The following ANKRD30B variants were observed in gnomAD, a reference collection of about 807,000 sequenced individuals.
ANKRD30B encodes ankyrin repeat domain-containing protein 30B.
In ANKRD30B, 144 loss-of-function variants were observed where a neutral mutation model predicts 202.2. The ratio of observed to expected loss-of-function variants is 0.71; its 90% CI spans 0.62 to 0.82. The LOEUF (loss-of-function observed/expected upper bound fraction) is 0.82. Among genes scored for constraint, ANKRD30B ranks in the 40% least tolerant of loss-of-function variants. The pLI, the probability that ANKRD30B is intolerant of heterozygous loss-of-function variation, is 0.00. For synonymous variants in ANKRD30B, 508 were observed against 561.3 expected, an observed-to-expected ratio of 0.91 and a Z score of 1.34; for missense variants, 1,487 against 1,669.1, an observed-to-expected ratio of 0.89 and a Z score of 1.90.
At chr18:14,761,895 C>T (rs769435998) in intron 6 of ANKRD30B, among the ~76,000 whole-genome samples, 11 of 152,164 alleles carry the variant, frequency 7.2e-5, no homozygotes, top group Non-Finnish European at 1.5e-4. Flanking sequence ...AGCTGAAAAT[C>T]TGCTTCATAT....
At chr18:14,917,278 T>A in the ANKRD30B span, among the ~76,000 whole-genome samples, 2 of 152,248 alleles carry the variant, frequency 1.3e-5, no homozygotes, top group South Asian at 4.1e-4. Flanking sequence ...TTTCCCACAA[T>A]TTCCCCAACA....
the ANKRD30B span, among the ~76,000 whole-genome samples, chr18:14,929,782 T>C: frequency 6.6e-6 from 1 of 152,082 alleles, no homozygotes; most frequent in African/African-American, 2.4e-5. Context: ...CTACAAGATA[T>C]GTGCATGCAT....
chr18:14,847,294 A>G (rs1285156738), intron 39 of ANKRD30B, among the ~76,000 whole-genome samples: 1 of 151,598 alleles, frequency 6.6e-6, no homozygotes, highest in African/African-American at 2.4e-5. Flanking sequence ...TAGATGGTAT[A>G]AGAAATTCCA....
At chr18:14,785,910 C>T (rs1248930494) in intron 14 of ANKRD30B, among the ~76,000 whole-genome samples, 14 of 151,722 alleles carry the variant, frequency 9.2e-5, no homozygotes, top group Middle Eastern at 3.4e-3. Context: ...CGGTGGCGGG[C>T]GCCTGTAGTC....
Position 14,797,159 on chromosome 18 carries a change from G to T in ANKRD30B, c.1928-502G>T, listed in dbSNP as rs551616661. Among the ~76,000 whole-genome samples the T allele has an allele frequency of 2.7e-3, 410 of 152,254 alleles. 4 individuals carry two copies. Among genetic ancestry groups the T allele is most frequent in the Middle Eastern group, 6.8e-3 (2 of 294 alleles). ...AACCCTAAAGAGGCCTAGAAGAGCC[G>T]TGGCAAGATGAGGGCATTCATAGCA... On this transcript the variant is annotated intron_variant, in intron 18 of 43. Transcript: ENST00000690538.
At chr18:14,933,639 G>A in the ANKRD30B span, among the ~76,000 whole-genome samples, 1 of 152,146 alleles carries the variant, frequency 6.6e-6, no homozygotes, top group African/African-American at 2.4e-5. Flanking sequence ...AGACAGGGAG[G>A]GGCAGTGCTG....
rs1490885682 is a variant in ANKRD30B at position 14,851,577 on chromosome 18, C to T, written c.3633C>T (p.Ala1211=). The change falls in exon 42 of 44, where the codon GCC becomes GCT. Residue 1211 remains alanine (A), a synonymous_variant. Coordinates refer to ENST00000690538, the MANE Select transcript of ANKRD30B (RefSeq NM_001367607.2). ...HENCMLKKEI[A]MLKLEVATLK... is the part of the protein sequence containing the mutation. ...ATTGCATGTTGAAAAAGGAAATTGC[C>T]ATGCTAAAACTGGAAGTAGCCACAC... 3.1e-6 allele frequency: 5 copies of T among 1,594,806 alleles called. No homozygotes were observed. Among genetic ancestry groups the T allele is most frequent in the Non-Finnish European group, 4.3e-6 (5 of 1,174,206 alleles).
At chr18:14,915,802 C>T in the ANKRD30B span, among the ~76,000 whole-genome samples, 1 of 152,128 alleles carries the variant, frequency 6.6e-6, no homozygotes, top group East Asian at 1.9e-4. Flanking sequence ...ATATAGTAGG[C>T]CCTCTGCATC....
At chr18:14,918,599 G>A in the ANKRD30B span, among the ~76,000 whole-genome samples, 3 of 152,078 alleles carry the variant, frequency 2.0e-5, no homozygotes, top group Admixed American at 6.5e-5. Context: ...GCCACTGGAA[G>A]TCACAATGAA....
intron 39 of ANKRD30B, among the ~76,000 whole-genome samples, chr18:14,843,393 A>G (rs1176415464): frequency 6.6e-6 from 1 of 152,138 alleles, no homozygotes; most frequent in East Asian, 1.9e-4. Flanking sequence ...TTTAAACTCT[A>G]ATATTTTTTT....
At chr18:14,841,774 C>G (rs1388134600) in intron 37 of ANKRD30B, among the ~76,000 whole-genome samples, 5 of 152,102 alleles carry the variant, frequency 3.3e-5, no homozygotes, top group Admixed American at 1.3e-4. Context: ...GATGCATTTA[C>G]AATATTTGCA....
At chr18:14,880,772 G>C in the ANKRD30B span, among the ~76,000 whole-genome samples, 1 of 152,034 alleles carries the variant, frequency 6.6e-6, no homozygotes, top group Admixed American at 6.6e-5. Flanking sequence ...AATTTTCACT[G>C]TAGAGGTCTT....
rs757899727 is a variant in ANKRD30B at position 14,782,624 on chromosome 18, A to G, written c.1570+10A>G. 8.5e-6 allele frequency: 13 copies of G among 1,535,614 alleles called. No individual in the cohort carries two copies. Among genetic ancestry groups the G allele is most frequent in the Middle Eastern group, 1.7e-4 (1 of 5,784 alleles). On this transcript the variant is annotated intron_variant, in intron 12 of 43. Transcript: ENST00000690538. Reference sequence around the variant, plus strand: ...AATAGAGAAGTAGAAGGTAAGAACAACTTTTTATTTGAAAAGTCTTTTAAC... The same window carrying G: ...AATAGAGAAGTAGAAGGTAAGAACAGCTTTTTATTTGAAAAGTCTTTTAAC...
chr18:14,846,104 G>A (rs1445980610), intron 39 of ANKRD30B, among the ~76,000 whole-genome samples: 1 of 150,180 alleles, frequency 6.7e-6, no homozygotes, highest in Non-Finnish European at 1.5e-5. Context: ...GGTAAAAGTC[G>A]AAGTTATTTA....
intron 15 of ANKRD30B, among the ~76,000 whole-genome samples, chr18:14,791,192 G>T (rs145905833): frequency 1.3e-5 from 2 of 152,102 alleles, no homozygotes; most frequent in African/African-American, 4.8e-5. Flanking sequence ...GGTGTTTATA[G>T]TATTCTCTGA....
chr18:14,837,114 T>A, intron 34 of ANKRD30B, 97 bp from the exon 35 acceptor site: 1 of 726,446 alleles, frequency 1.4e-6, no homozygotes, highest in Middle Eastern at 2.4e-4. Flanking sequence ...GTTGTTGTTG[T>A]TTGTCTTTCT....
chr18:14,754,730 G>A (rs1914055063), intron 3 of ANKRD30B, among the ~76,000 whole-genome samples, 169 bp from the exon 4 acceptor site: 1 of 152,092 alleles, frequency 6.6e-6, no homozygotes, highest in Non-Finnish European at 1.5e-5. Context: ...ACAAGGGAAG[G>A]TGCAGTGCAT....
chr18:14,826,689 T>TCACACACA (rs1324783952), intron 32 of ANKRD30B, among the ~76,000 whole-genome samples: 76 of 22,686 alleles, frequency 3.4e-3, no homozygotes, highest in South Asian at 0.013. Context: ...TCTCTCTCTC[T>TCACACACA]CTCTCACACA....
chr18:14,815,340 C>T (rs530620177), intron 30 of ANKRD30B, among the ~76,000 whole-genome samples: 1 of 148,932 alleles, frequency 6.7e-6, no homozygotes, highest in South Asian at 2.2e-4. Flanking sequence ...AGTTTTCAAA[C>T]TTTAGAAAAC....
Sources: gnomAD v4.1 joint callset for allele counts (sites outside exome capture counted in the v4.1 genomes callset) on GRCh38, gnomAD v4.1.1 for gene constraint, MANE v1.5 for transcripts, NCBI Gene and HGNC (gene_info 2026-07-23, HGNC 2026-07-21) for gene names.